PLAA: variants seen among roughly 807,000 people sequenced by gnomAD.
The protein encoded by PLAA is phospholipase A2 activating protein, also known as phospholipase A-2-activating protein.
PLAA carries 48 observed loss-of-function variants against 84.1 expected under a neutral mutation model. The observed-to-expected ratio is 0.57, with a 90% confidence interval of 0.45 to 0.73. The LOEUF (loss-of-function observed/expected upper bound fraction) is 0.73. PLAA is among the 30% of genes least tolerant of loss of function. The probability of loss-of-function intolerance (pLI) is 0.00; values close to 1 mark genes in which losing one functional copy is unlikely to be tolerated. For synonymous variants in PLAA, 392 were observed against 336.6 expected, an observed-to-expected ratio of 1.16 and a Z score of -1.80; for missense variants, 903 against 954.7, an observed-to-expected ratio of 0.95 and a Z score of 0.71.
Position 26,910,425 on chromosome 9 carries a change from G to A in PLAA, c.1570C>T (p.Arg524Ter), listed in dbSNP as rs1241511703. ...TTCATTGTTTTAGATGCAGCTGATC[G>A]GTAGGCACTATTCCCTATTTAAAGA... The part of the protein sequence containing the change: ...VDPFTGNSAY[R>*]SAASKTMNIY... Residue 524 changes from arginine to a stop codon, truncating the protein, a stop_gained, in exon 12 of 14, where the codon CGA (arginine) becomes TGA (stop). Transcript: ENST00000397292. LOFTEE classifies it high-confidence loss of function. 3 of 1,611,170 alleles carry A rather than the reference G, an allele frequency of 1.9e-6. No homozygotes were observed. Among genetic ancestry groups the A allele is most frequent in the Non-Finnish European group, 1.7e-6 (2 of 1,177,832 alleles).
At chr9:26,910,231 A>G (rs766624005) in intron 12 of PLAA, 107 bp downstream of exon 12, 1 of 711,532 alleles carries the variant, frequency 1.4e-6, no homozygotes. Flanking sequence ...AGAAATATCT[A>G]TTCATATTAA....
chr9:26,910,457 G>A lies in PLAA; in HGVS notation c.1556-18C>T. ...ACTATTCCCTATTTAAAGAATAGAA[G>A]ATGATGATAATCACAAGGAGTGATC... On this transcript the variant is annotated intron_variant, in intron 11 of 13. Coordinates refer to ENST00000397292, the MANE Select transcript of PLAA (RefSeq NM_001031689.3). 1 of 1,561,924 alleles carries A rather than the reference G, an allele frequency of 6.4e-7. No individual in the cohort carries two copies. The highest frequency in any genetic ancestry group is 8.8e-7 in the Non-Finnish European group (1 of 1,133,752).
At position 26,910,424 on chromosome 9, in the gene PLAA, C is replaced by A; in HGVS notation, c.1571G>T (p.Arg524Leu). The change falls in exon 12 of 14, where the codon CGA (arginine) becomes CTA (leucine). Residue 524 changes from arginine to leucine, a missense_variant. Transcript: ENST00000397292. ...VDPFTGNSAY[R>L]SAASKTMNIY... ...ATTCATTGTTTTAGATGCAGCTGAT[C>A]GGTAGGCACTATTCCCTATTTAAAG... is the stretch of plus-strand genomic sequence containing the variant. 6.2e-7 allele frequency: 1 copy of A among 1,611,604 alleles called. No homozygotes were observed. Among genetic ancestry groups the A allele is most frequent in the East Asian group, 2.2e-5 (1 of 44,750 alleles).
rs888821261 is a variant in PLAA at position 26,947,096 on chromosome 9, C to T, written c.-51G>A. 2 of 1,439,366 alleles carry T rather than the reference C, an allele frequency of 1.4e-6. No individual in the cohort carries two copies. Among genetic ancestry groups the T allele is most frequent in the Non-Finnish European group, 1.8e-6 (2 of 1,094,234 alleles). The allele number at this position is 1,439,366 out of a possible 1,614,324, so 89.2% of individuals were successfully genotyped here. A position where few individuals can be genotyped will look rare whatever the true frequency, so the allele number is the denominator to read the frequency against. On this transcript the variant is annotated 5_prime_UTR_variant, in exon 1 of 14. Transcript: ENST00000397292. ...GCCCAGGCACTGTGCGAGACCAGTC[C>T]GCAGGGGCGACTCGGAGAGCGCCGG...
chr9:26,904,848 TG>T lies in PLAA; in HGVS notation c.*662del, dbSNP rs1824178908. 6.6e-6 allele frequency: 1 copy of T among 152,328 alleles called. No individual in the cohort carries two copies. The highest frequency in any genetic ancestry group is 1.5e-5 in the Non-Finnish European group (1 of 68,008). The allele number at this position is 152,328 out of a possible 1,614,324, so 9.4% of individuals were successfully genotyped here. On this transcript the variant is annotated 3_prime_UTR_variant, in exon 14 of 14. Coordinates refer to ENST00000397292, the MANE Select transcript of PLAA (RefSeq NM_001031689.3). ...TCAAATAGTGAAGGGCAAAAGAAACTGGATCTAAGCCTGGAGTTAAATTGAG... is the reference window on the plus strand; with the variant it reads ...TCAAATAGTGAAGGGCAAAAGAAACTGATCTAAGCCTGGAGTTAAATTGAG...
chr9:26,906,035 T>G lies in PLAA; in HGVS notation c.1864A>C (p.Lys622Gln), dbSNP rs771539471. The G allele has an allele frequency of 6.3e-7, 1 of 1,591,464 alleles. No homozygotes were observed. Among genetic ancestry groups the G allele is most frequent in the Non-Finnish European group, 8.6e-7 (1 of 1,166,938 alleles). ...AAGTTCTCATTCACACTGGGGTGTTTAATTGACAACCGAAGAATGTCAAGT... is the reference window on the plus strand; with the variant it reads ...AAGTTCTCATTCACACTGGGGTGTTGAATTGACAACCGAAGAATGTCAAGT... ...PALDILRLSI[K>Q]HPSVNENFCN... is the part of the protein sequence containing the mutation. The change falls in exon 14 of 14, where the codon AAA becomes CAA. Residue 622 changes from lysine to glutamine, a missense_variant. Lys to Gln is a moderately conservative substitution (Grantham distance 53). Coordinates refer to ENST00000397292, the MANE Select transcript of PLAA (RefSeq NM_001031689.3).
At chr9:26,928,549 G>A (rs1259324007) in intron 2 of PLAA, 141 bp from the exon 3 acceptor site, 11 of 675,530 alleles carry the variant, frequency 1.6e-5, no homozygotes, top group South Asian at 8.6e-5. Flanking sequence ...CAGCAGAGAC[G>A]CATAAGAGTA....
At chr9:26,946,065 CA>C (rs1825695943) in intron 1 of PLAA, among the ~76,000 whole-genome samples, 2 of 152,190 alleles carry the variant, frequency 1.3e-5, no homozygotes, top group Admixed American at 6.5e-5. Context: ...AGGCACTCAA[CA>C]GTTATCAACT....
chr9:26,909,067 G>A (rs10812492), intron 12 of PLAA, among the ~76,000 whole-genome samples: 30,986 of 151,776 alleles, frequency 0.2, 3,742 homozygotes, highest in African/African-American at 0.33. Flanking sequence ...CAAATCCTTC[G>A]CATGTATCTT....
At chr9:26,936,125 A>C (rs1401593105) in intron 1 of PLAA, among the ~76,000 whole-genome samples, 1 of 152,180 alleles carries the variant, frequency 6.6e-6, no homozygotes, top group Non-Finnish European at 1.5e-5. Context: ...ATAAAGAGGT[A>C]AGACTCCCAG....
At position 26,905,866 on chromosome 9, in the gene PLAA, G is replaced by C; in HGVS notation, c.2033C>G (p.Ser678Cys). 6.2e-7 allele frequency: 1 copy of C among 1,614,092 alleles called. No homozygotes were observed. The highest frequency in any genetic ancestry group is 2.2e-5 in the East Asian group (1 of 44,872). Residue 678 changes from serine to cysteine, a missense_variant, in exon 14 of 14, where the codon TCC becomes TGC. By Grantham distance (112) the Ser-to-Cys change is moderately radical. Coordinates refer to ENST00000397292, the MANE Select transcript of PLAA (RefSeq NM_001031689.3). ...ATGGGACATCAGTGATTCCCTCTGG[G>C]ACATCATGAGTTTTTGTCCTGCCTG... is the stretch of plus-strand genomic sequence containing the variant. The part of the protein sequence containing the change: ...VGQAGQKLMM[S>C]QRESLMSHAI...
chr9:26,935,217 A>G lies in PLAA; in HGVS notation c.150-11T>C, dbSNP rs1286686181. ...AAGCTCCTGTTTGGACTGGAAAGAC[A>G]AGATAATTAATAGATACATATTCGT... On this transcript the variant is annotated splice_polypyrimidine_tract_variant and intron_variant, in intron 1 of 13. Coordinates refer to ENST00000397292, the MANE Select transcript of PLAA (RefSeq NM_001031689.3). The G allele has an allele frequency of 5.3e-6, 8 of 1,521,276 alleles. No individual in the cohort carries two copies. Among genetic ancestry groups the G allele is most frequent in the Non-Finnish European group, 6.2e-6 (7 of 1,136,350 alleles). 94.2% of individuals were successfully genotyped at this position (1,521,276 alleles called of 1,614,324 possible). A position where few individuals can be genotyped will look rare whatever the true frequency, so the allele number is the denominator to read the frequency against.
At chr9:26,919,192 C>A (rs28616133) in intron 9 of PLAA, 118 bp downstream of exon 9, 3 of 558,488 alleles carry the variant, frequency 5.4e-6, no homozygotes, top group African/African-American at 1.9e-5. Context: ...TGAAGTAAAA[C>A]CCTGCTGTAG....
chr9:26,907,782 G>T, intron 13 of PLAA, 52 bp downstream of exon 13: 1 of 1,424,830 alleles, frequency 7.0e-7, no homozygotes, highest in Non-Finnish European at 9.6e-7. Flanking sequence ...TGATAGAAAT[G>T]AAGATAAAAC....
At chr9:26,945,553 T>C (rs1825667645) in intron 1 of PLAA, among the ~76,000 whole-genome samples, 1 of 152,194 alleles carries the variant, frequency 6.6e-6, no homozygotes, top group South Asian at 2.1e-4. Context: ...TTATACTACT[T>C]CAAAAGCCTC....
Position 26,905,985 on chromosome 9 carries a change from C to G in PLAA, c.1914G>C (p.Gln638His), listed in dbSNP as rs775468968. The G allele has an allele frequency of 1.7e-5, 27 of 1,613,864 alleles. No homozygotes were observed. The African/African-American group carries it at 2.7e-4, about 16-fold the overall frequency. The change falls in exon 14 of 14, where the codon CAG becomes CAC. Residue 638 changes from glutamine (Q) to histidine (H), a missense_variant. Gln to His is a conservative substitution (Grantham distance 24). Coordinates refer to ENST00000397292, the MANE Select transcript of PLAA (RefSeq NM_001031689.3). ...GAAGATTGATAAGATGACTGCTGAA[C>G]TGAGCCCCTTCCTTTTCATTGCAGA... ...ENFCNEKEGA[Q>H]FSSHLINLLN...
intron 1 of PLAA, among the ~76,000 whole-genome samples, chr9:26,943,022 AT>A (rs2131430135): frequency 6.6e-6 from 1 of 152,262 alleles, no homozygotes; most frequent in East Asian, 1.9e-4. Context: ...GATTAATATA[AT>A]CAGATCCTAT....
At chr9:26,926,204 T>G (rs1453941781) in intron 5 of PLAA, among the ~76,000 whole-genome samples, 189 bp downstream of exon 5, 1 of 152,182 alleles carries the variant, frequency 6.6e-6, no homozygotes, top group East Asian at 1.9e-4. Context: ...AAATCTGAAT[T>G]AATATAAAGA....
chr9:26,930,663 A>ACCT (rs768765624), intron 2 of PLAA, among the ~76,000 whole-genome samples: 108 of 150,798 alleles, frequency 7.2e-4, no homozygotes, highest in Non-Finnish European at 1.2e-3. Flanking sequence ...GCTCACTGCA[A>ACCT]CCTCCGCTTC....
Sources: gnomAD v4.1 joint callset for allele counts (sites outside exome capture counted in the v4.1 genomes callset) on GRCh38, gnomAD v4.1.1 for gene constraint, MANE v1.5 for transcripts, NCBI Gene and HGNC (gene_info 2026-07-23, HGNC 2026-07-21) for gene names.